Variants in NUP155 observed in about 807,000 individuals in gnomAD.
NUP155 encodes nuclear pore complex protein Nup155.
Under a neutral mutation model 180.4 loss-of-function variants are expected in NUP155, and 71 were observed. The observed-to-expected ratio is 0.39, with a 90% confidence interval of 0.33 to 0.48. NUP155 has a LOEUF of 0.48. Among genes scored for constraint, NUP155 ranks in the 20% least tolerant of loss-of-function variants. The probability of loss-of-function intolerance (pLI) is 0.91; values close to 1 mark genes in which losing one functional copy is unlikely to be tolerated. For synonymous variants in NUP155, 582 were observed against 559.5 expected, an observed-to-expected ratio of 1.04 and a Z score of -0.57; for missense variants, 1,553 against 1,648.9, an observed-to-expected ratio of 0.94 and a Z score of 1.01.
chr5:37,333,696 C>CTTAA, intron 12 of NUP155, 63 bp from the exon 13 acceptor site: 3 of 1,186,670 alleles, frequency 2.5e-6, no homozygotes, highest in Non-Finnish European at 3.7e-6. Flanking sequence ...AAAGAAAAAA[C>CTTAA]TACAGACTTA....
intron 11 of NUP155, among the ~76,000 whole-genome samples, chr5:37,339,307 CAAA>C (rs1283751834): frequency 1.9e-4 from 12 of 63,260 alleles, no homozygotes; most frequent in Non-Finnish European, 2.2e-4. Context: ...GACACTGTCT[CAAA>C]AAAAAAAAAA....
intron 9 of NUP155, among the ~76,000 whole-genome samples, chr5:37,343,855 C>T (rs546043967): frequency 6.6e-6 from 1 of 152,102 alleles, no homozygotes; most frequent in East Asian, 1.9e-4. Context: ...CACGTCACTG[C>T]AGTCCAGCCT....
Position 37,350,819 on chromosome 5 carries a change from T to TAA in NUP155, c.723+369_723+370dup, listed in dbSNP as rs57132136. The stretch of plus-strand genomic sequence containing the variant: ...TGATACAGTGAGACTCCATCACATT[T>TAA]AAAAAAAAAAAAAAAAAAAAAGCAA... On this transcript the variant is annotated intron_variant, in intron 6 of 34. Coordinates refer to ENST00000231498, the MANE Select transcript of NUP155 (RefSeq NM_153485.3). Among the ~76,000 whole-genome samples the TAA allele has an allele frequency of 1.1e-3, 107 of 100,464 alleles. 1 individual carries two copies. The highest frequency in any genetic ancestry group is 3.7e-3 in the African/African-American group (101 of 27,168). The allele number at this position is 100,464 out of a possible 152,430, so 65.9% of individuals were successfully genotyped here.
At chr5:37,356,179 A>C (rs1346229203) in intron 4 of NUP155, among the ~76,000 whole-genome samples, 1 of 149,554 alleles carries the variant, frequency 6.7e-6, no homozygotes, top group African/African-American at 2.5e-5. Context: ...CGGTGAGCCG[A>C]GATCACGCCA....
At chr5:37,308,979 C>A in intron 24 of NUP155, 150 bp downstream of exon 24, 7 of 694,788 alleles carry the variant, frequency 1.0e-5, no homozygotes, top group Non-Finnish European at 1.7e-5. Context: ...CACAATGATA[C>A]CACATTCCTA....
chr5:37,370,553 GAGA>G (rs2111782623), intron 1 of NUP155: 3 of 915,766 alleles, frequency 3.3e-6, no homozygotes, highest in East Asian at 3.2e-5. Flanking sequence ...TGAGAGCGGC[GAGA>G]AGCTCATTAA....
chr5:37,297,169 G>A (rs903271753), intron 32 of NUP155, among the ~76,000 whole-genome samples: 4 of 152,176 alleles, frequency 2.6e-5, no homozygotes, highest in South Asian at 4.1e-4. Context: ...CTATAGGCAC[G>A]TGCTACCATG....
At chr5:37,320,967 A>G (rs1482844771) in intron 20 of NUP155, among the ~76,000 whole-genome samples, 3 of 152,234 alleles carry the variant, frequency 2.0e-5, no homozygotes, top group African/African-American at 7.2e-5. Context: ...AGGTAGAGAG[A>G]GGCCTGATCA....
intron 18 of NUP155, 83 bp from the exon 19 acceptor site, chr5:37,326,050 G>A (rs1744583091): frequency 2.1e-6 from 2 of 961,310 alleles, no homozygotes; most frequent in African/African-American, 1.6e-5. Context: ...GAACTTAATG[G>A]CTTTATTCAG....
chr5:37,361,025 T>C (rs1044141201), intron 3 of NUP155, among the ~76,000 whole-genome samples: 12 of 152,160 alleles, frequency 7.9e-5, no homozygotes, highest in Admixed American at 2.0e-4. Flanking sequence ...TCCCAGCACT[T>C]TGGGAGGCCC....
intron 9 of NUP155, 142 bp downstream of exon 9, chr5:37,348,363 T>A (rs1006821014): frequency 1.5e-6 from 1 of 666,714 alleles, no homozygotes; most frequent in Non-Finnish European, 2.7e-6. Context: ...ATTTCAAACA[T>A]AATGTAGAGT....
chr5:37,307,321 A>C lies in NUP155; in HGVS notation c.2879T>G (p.Val960Gly), dbSNP rs768980730. Reference protein sequence around the residue: ...YKHGEPEEDIVGLQAFQERLN... With the variant: ...YKHGEPEEDIGGLQAFQERLN... ...CCTTTCTTGGAAGGCCTGAAGTCCA[A>C]CTATGTCTTCTTCTGGTTCTCCATG... The change falls in exon 25 of 35, where the codon GTT becomes GGT. Residue 960 changes from valine to glycine, a missense_variant. Coordinates refer to ENST00000231498, the MANE Select transcript of NUP155 (RefSeq NM_153485.3). 7 of 1,614,162 alleles carry C rather than the reference A, an allele frequency of 4.3e-6. No individual in the cohort carries two copies. The highest frequency in any genetic ancestry group is 5.9e-6 in the Non-Finnish European group (7 of 1,179,988).
intron 9 of NUP155, among the ~76,000 whole-genome samples, chr5:37,347,852 T>A (rs1746198657): frequency 6.6e-6 from 1 of 151,814 alleles, no homozygotes. Flanking sequence ...AATACAAAAA[T>A]TAGGCTGGGC....
chr5:37,365,711 G>GA (rs1747518236), intron 1 of NUP155, among the ~76,000 whole-genome samples: 1 of 34,008 alleles, frequency 2.9e-5, no homozygotes, highest in Non-Finnish European at 4.7e-5. Flanking sequence ...CTGTCTCGGG[G>GA]AGAAAAAAAA....
intron 11 of NUP155, 116 bp from the exon 12 acceptor site, chr5:37,338,034 A>G (rs1410239968): frequency 2.9e-6 from 2 of 687,092 alleles, no homozygotes; most frequent in East Asian, 2.8e-5. Context: ...AAAATTATAA[A>G]ACCGGGCTGG....
chr5:37,354,327 G>C (rs1003064236), intron 4 of NUP155, among the ~76,000 whole-genome samples: 1 of 152,018 alleles, frequency 6.6e-6, no homozygotes, highest in Middle Eastern at 3.2e-3. Context: ...TGTATTTTTA[G>C]TAGAGACACG....
chr5:37,313,782 C>T (rs375328022), intron 22 of NUP155, among the ~76,000 whole-genome samples: 2 of 152,078 alleles, frequency 1.3e-5, no homozygotes, highest in Non-Finnish European at 1.5e-5. Flanking sequence ...GGATCACAGG[C>T]GTGAGGCATG....
intron 33 of NUP155, among the ~76,000 whole-genome samples, chr5:37,293,586 AAAAATT>A (rs1742347799): frequency 6.6e-6 from 1 of 152,230 alleles, no homozygotes; most frequent in African/African-American, 2.4e-5. Flanking sequence ...TCCTTAGCAT[AAAAATT>A]ACAAAACATA....
At chr5:37,303,091 T>C (rs1461499462) in intron 28 of NUP155, among the ~76,000 whole-genome samples, 169 bp downstream of exon 28, 1 of 152,164 alleles carries the variant, frequency 6.6e-6, no homozygotes, top group Non-Finnish European at 1.5e-5. Context: ...ATCCACAATT[T>C]TAGACAACAC....
Sources: gnomAD v4.1 joint callset for allele counts (sites outside exome capture counted in the v4.1 genomes callset) on GRCh38, gnomAD v4.1.1 for gene constraint, MANE v1.5 for transcripts, NCBI Gene and HGNC (gene_info 2026-07-23, HGNC 2026-07-21) for gene names.